UCHL5: variants seen among roughly 807,000 people sequenced by gnomAD.
UCHL5 encodes ubiquitin C-terminal hydrolase L5.
Under a neutral mutation model 53.8 loss-of-function variants are expected in UCHL5, and 34 were observed. The observed-to-expected ratio is 0.63, with a 90% CI of 0.48 to 0.84. The LOEUF (loss-of-function observed/expected upper bound fraction) is 0.84, where lower values mean the gene tolerates loss of function less well. UCHL5 is among the 40% of genes least tolerant of loss of function. The pLI is 0.00. For missense variants in UCHL5, 290 were observed against 385.6 expected (o/e 0.75, Z 2.08); for synonymous variants, 111 against 126.3 (o/e 0.88, Z 0.81).
At chr1:193,054,913 C>T (rs146985328) in intron 1 of UCHL5, among the ~76,000 whole-genome samples, 119 of 152,308 alleles carry the variant, frequency 7.8e-4, no homozygotes, top group Non-Finnish European at 8.5e-4. Context: ...ACACATCTTG[C>T]TGTCCCTGGA....
Position 193,059,171 on chromosome 1 carries a change from C to T in UCHL5, c.76+14G>A, listed in dbSNP as rs1195057763. On this transcript the variant is annotated intron_variant, in intron 1 of 10. Transcript: ENST00000367454. This position sits in a 1 kb window ranked among gnomAD's most constrained non-coding sequence, Gnocchi z 4.9. ...CCGTGACCCCAGGCCCAGGACGGTC[C>T]CCTTGGTTCTCACCGAATCCTTTAA... 3.1e-6 allele frequency: 5 copies of T among 1,595,494 alleles called. No individual in the cohort carries two copies. The Admixed American group carries it at 8.6e-5, about 27-fold the overall frequency.
At chr1:193,059,670 T>G, upstream of UCHL5, 2 of 1,372,138 alleles carry the variant, frequency 1.5e-6, no homozygotes, top group Non-Finnish European at 1.9e-6. The surrounding 1 kb of genome is among the most constrained non-coding windows in gnomAD (Gnocchi z 4.9). Context: ...TTGCTGTTGC[T>G]GTGGCTGTCG....
In UCHL5 at chr1:193,057,358, G is replaced by A. The variant is rs527925725; in HGVS notation, c.76+1827C>T. Reference sequence around the variant, plus strand: ...CTGAGAACTCCTTTTTTAATTTAGCGTGTTATGGATGTATTTCTGCTCCCA... The same window carrying A: ...CTGAGAACTCCTTTTTTAATTTAGCATGTTATGGATGTATTTCTGCTCCCA... On this transcript the variant is annotated intron_variant, in intron 1 of 10. Coordinates refer to ENST00000367454, the MANE Select transcript of UCHL5 (RefSeq NM_001199261.3). The A allele has an allele frequency of 8.1e-5, 13 of 161,038 alleles. No individual in the cohort carries two copies. The East Asian group carries it at 1.7e-3, about 21-fold the overall frequency. 10.0% of individuals were successfully genotyped at this position (161,038 alleles called of 1,614,324 possible).
intron 10 of UCHL5, chr1:193,018,507 G>A (rs1447070557): frequency 9.1e-7 from 1 of 1,092,974 alleles, no homozygotes; most frequent in African/African-American, 1.6e-5. Flanking sequence ...CTCCTAGGCA[G>A]TTTTTAAATG....
chr1:193,045,689 A>G (rs1667116850), intron 3 of UCHL5, among the ~76,000 whole-genome samples: 1 of 152,202 alleles, frequency 6.6e-6, no homozygotes, highest in South Asian at 2.1e-4. Flanking sequence ...ATAACCTAAC[A>G]CAAATATACA....
In UCHL5 at chr1:193,016,171, C is replaced by T. The variant is rs1386251543; in HGVS notation, c.*180G>A. ...TATCACTTTCATTTAATATGCACTACATGCACATGATGCAGGTAGGGAAGA... is the reference window on the plus strand; with the variant it reads ...TATCACTTTCATTTAATATGCACTATATGCACATGATGCAGGTAGGGAAGA... On this transcript the variant is annotated 3_prime_UTR_variant, in exon 11 of 11. Coordinates refer to ENST00000367454, the MANE Select transcript of UCHL5 (RefSeq NM_001199261.3). The T allele has an allele frequency of 1.7e-5, 11 of 650,656 alleles. No homozygotes were observed. Among genetic ancestry groups the T allele is most frequent in the Non-Finnish European group, 2.6e-5 (10 of 377,562 alleles). The allele number at this position is 650,656 out of a possible 1,614,324, so 40.3% of individuals were successfully genotyped here. A position where few individuals can be genotyped will look rare whatever the true frequency, so the allele number is the denominator to read the frequency against.
intron 1 of UCHL5, among the ~76,000 whole-genome samples, chr1:193,055,584 AC>A (rs1461590233): frequency 6.6e-6 from 1 of 152,224 alleles, no homozygotes; most frequent in Non-Finnish European, 1.5e-5. Context: ...ATAAAATCTA[AC>A]ACTTAATAAT....
chr1:193,017,025 T>C (rs368494940), intron 10 of UCHL5, among the ~76,000 whole-genome samples: 8 of 151,804 alleles, frequency 5.3e-5, no homozygotes, highest in Admixed American at 4.6e-4. Context: ...GTCCCACAGC[T>C]AGTATACAGT....
At chr1:193,034,265 A>G (rs1037385141) in intron 3 of UCHL5, among the ~76,000 whole-genome samples, 1 of 152,102 alleles carries the variant, frequency 6.6e-6, no homozygotes, top group Non-Finnish European at 1.5e-5. Context: ...TCTAGGAATT[A>G]GAAATATAAC....
At chr1:193,059,875 G>T, upstream of UCHL5, 1 of 1,364,948 alleles carries the variant, frequency 7.3e-7, no homozygotes, top group Non-Finnish European at 9.8e-7. This position sits in a 1 kb window ranked among gnomAD's most constrained non-coding sequence, Gnocchi z 4.9. Flanking sequence ...GCATCCCAGG[G>T]GTTGAGGCTG....
At chr1:193,052,083 C>T (rs1669234193) in intron 1 of UCHL5, among the ~76,000 whole-genome samples, 1 of 152,120 alleles carries the variant, frequency 6.6e-6, no homozygotes, top group Non-Finnish European at 1.5e-5. Flanking sequence ...CAATCTCTGG[C>T]ACCTCTATCC....
chr1:193,026,224 G>T (rs764584031), intron 7 of UCHL5, among the ~76,000 whole-genome samples: 11 of 150,964 alleles, frequency 7.3e-5, no homozygotes, highest in Admixed American at 1.3e-4. Context: ...AAAAAATTTT[G>T]GTATCTACAC....
chr1:193,048,010 T>G (rs1335760650), intron 3 of UCHL5, among the ~76,000 whole-genome samples: 5 of 152,130 alleles, frequency 3.3e-5, no homozygotes, highest in African/African-American at 1.2e-4. Context: ...GTCTTTAATA[T>G]TCTGTGGAAT....
intron 3 of UCHL5, among the ~76,000 whole-genome samples, chr1:193,031,459 T>C (rs1476080877): frequency 1.3e-5 from 2 of 152,180 alleles, no homozygotes; most frequent in Non-Finnish European, 2.9e-5. Context: ...TTACTTTCTT[T>C]TTTGATGTCA....
chr1:193,044,182 A>G (rs1448966229), intron 3 of UCHL5, among the ~76,000 whole-genome samples: 2 of 152,196 alleles, frequency 1.3e-5, no homozygotes, highest in Admixed American at 1.3e-4. Context: ...ACTTATCATC[A>G]TTGTAATTTA....
At chr1:193,028,223 C>A in intron 6 of UCHL5, 75 bp from the exon 7 acceptor site, 3 of 1,282,672 alleles carry the variant, frequency 2.3e-6, no homozygotes, top group South Asian at 3.4e-5. Context: ...AAGTTTGGCC[C>A]AAAATATTTT....
chr1:193,032,274 G>C (rs2102505433), intron 3 of UCHL5, among the ~76,000 whole-genome samples: 1 of 152,168 alleles, frequency 6.6e-6, no homozygotes, highest in African/African-American at 2.4e-5. Context: ...CAAGCAATGG[G>C]GAAAGGATTC....
chr1:193,052,591 G>A (rs778856355), intron 1 of UCHL5, among the ~76,000 whole-genome samples: 14 of 152,086 alleles, frequency 9.2e-5, no homozygotes, highest in African/African-American at 1.7e-4. Flanking sequence ...TTAAGAGCTC[G>A]GGCTCCAAAC....
chr1:193,038,369 T>C (rs1664339606), intron 3 of UCHL5, among the ~76,000 whole-genome samples: 2 of 145,914 alleles, frequency 1.4e-5, no homozygotes, highest in South Asian at 2.2e-4. Flanking sequence ...GGCAGGAGAA[T>C]GGCGTGAACC....
Sources: gnomAD v4.1 joint callset for allele counts (sites outside exome capture counted in the v4.1 genomes callset) on GRCh38, gnomAD v4.1.1 for gene constraint, Gnocchi (gnomAD v3.1) non-coding constraint, MANE v1.5 for transcripts, NCBI Gene and HGNC (gene_info 2026-07-23, HGNC 2026-07-21) for gene names.